The following RNF138 variants were observed in gnomAD, a reference collection of about 807,000 sequenced individuals.
RNF138 encodes ring finger protein 138.
Under a neutral mutation model 31.0 loss-of-function variants are expected in RNF138, and 12 were observed. The ratio of observed to expected loss-of-function variants is 0.39; its 90% CI spans 0.25 to 0.63. RNF138 has a LOEUF of 0.63. Among genes scored for constraint, RNF138 ranks in the 20% least tolerant of loss-of-function variants. The pLI is 0.52. For synonymous variants in RNF138, 105 were observed against 99.5 expected, an observed-to-expected ratio of 1.06 and a Z score of -0.33; for missense variants, 192 against 300.1, an observed-to-expected ratio of 0.64 and a Z score of 2.66.
At chr18:32,099,552 AC>A (rs2039880939) in intron 2 of RNF138, among the ~76,000 whole-genome samples, 1 of 152,058 alleles carries the variant, frequency 6.6e-6, no homozygotes, top group Non-Finnish European at 1.5e-5. Flanking sequence ...ACAGGCATGC[AC>A]CACTATACCC....
intron 4 of RNF138, among the ~76,000 whole-genome samples, chr18:32,121,877 C>CT (rs544848797): frequency 2.1e-3 from 326 of 151,882 alleles, no homozygotes; most frequent in Non-Finnish European, 3.6e-3. Flanking sequence ...AGGTTATGTA[C>CT]TTTTTTTTCA....
intron 4 of RNF138, among the ~76,000 whole-genome samples, chr18:32,121,714 GTTTTTC>G (rs985125227): frequency 1.6e-4 from 24 of 152,164 alleles, no homozygotes; most frequent in African/African-American, 2.9e-4. Context: ...GATATGAGTT[GTTTTTC>G]TTTAATTGGT....
intron 4 of RNF138, among the ~76,000 whole-genome samples, chr18:32,115,744 A>G (rs1274753135): frequency 1.3e-5 from 2 of 152,078 alleles, no homozygotes; most frequent in African/African-American, 2.4e-5. Flanking sequence ...GACTCCGTCT[A>G]AAACACACAC....
chr18:32,112,155 A>T lies in RNF138; in HGVS notation c.276+236A>T, dbSNP rs529170110. Among the ~76,000 whole-genome samples the T allele has an allele frequency of 7.9e-5, 12 of 152,202 alleles. No homozygotes were observed. The South Asian group carries it at 1.9e-3, about 24-fold the overall frequency. On this transcript the variant is annotated intron_variant, in intron 3 of 7. Transcript: ENST00000261593. Reference sequence around the variant, plus strand: ...TGAATTTCATAATACTTAGCGTGGCATTTTTCTAAAAGTAATTTCTCATTG... The same window carrying T: ...TGAATTTCATAATACTTAGCGTGGCTTTTTTCTAAAAGTAATTTCTCATTG...
At chr18:32,122,426 A>G (rs189332768) in intron 4 of RNF138, 2 of 152,340 alleles carry the variant, frequency 1.3e-5, no homozygotes, top group East Asian at 3.9e-4. Flanking sequence ...AAACTCTGGC[A>G]TTGAGATATA....
chr18:32,093,402 G>A (rs1436791270), intron 2 of RNF138, among the ~76,000 whole-genome samples: 2 of 152,094 alleles, frequency 1.3e-5, no homozygotes, highest in South Asian at 4.1e-4. Context: ...CCGTCCCCTC[G>A]GTCCAAGAGC....
chr18:32,100,763 C>T (rs1288711812), intron 2 of RNF138, among the ~76,000 whole-genome samples: 1 of 151,942 alleles, frequency 6.6e-6, no homozygotes, highest in Non-Finnish European at 1.5e-5. Context: ...GGCGTGAGCC[C>T]CCGCGCCCGG....
chr18:32,125,487 CTG>C (rs1482294360), intron 6 of RNF138, among the ~76,000 whole-genome samples: 1 of 152,084 alleles, frequency 6.6e-6, no homozygotes, highest in East Asian at 1.9e-4. Context: ...ACAGGAGAAA[CTG>C]AGCTGGGAGA....
At chr18:32,092,662 C>G (rs1024279587) in intron 1 of RNF138, 38 bp from the exon 2 acceptor site, 3 of 696,408 alleles carry the variant, frequency 4.3e-6, no homozygotes, top group Non-Finnish European at 7.7e-6. Flanking sequence ...CGCGCTGTAT[C>G]CTGATGCGAT....
chr18:32,105,533 A>G (rs553774776), intron 2 of RNF138, among the ~76,000 whole-genome samples: 1 of 152,230 alleles, frequency 6.6e-6, no homozygotes, highest in African/African-American at 2.4e-5. Flanking sequence ...TTTGATCAGT[A>G]AGATAGTATT....
intron 2 of RNF138, 67 bp downstream of exon 2, chr18:32,092,953 C>T (rs1208334709): frequency 9.1e-6 from 8 of 882,726 alleles, no homozygotes; most frequent in East Asian, 3.3e-5. Context: ...CGGCCCGGGA[C>T]CCCGGGCTGC....
intron 7 of RNF138, among the ~76,000 whole-genome samples, chr18:32,128,761 C>T (rs1210615139): frequency 6.6e-6 from 1 of 152,140 alleles, no homozygotes; most frequent in African/African-American, 2.4e-5. Context: ...TGTCTTCTGC[C>T]TCAGCCTCCT....
intron 2 of RNF138, among the ~76,000 whole-genome samples, chr18:32,104,083 G>T (rs1259328252): frequency 7.0e-6 from 1 of 142,952 alleles, no homozygotes; most frequent in Non-Finnish European, 1.5e-5. Flanking sequence ...GCCTGATCTT[G>T]GCTCACTGCA....
At chr18:32,115,102 TA>T (rs2040193696) in intron 4 of RNF138, among the ~76,000 whole-genome samples, 1 of 152,212 alleles carries the variant, frequency 6.6e-6, no homozygotes, top group Non-Finnish European at 1.5e-5. Context: ...TCTGCTTTTT[TA>T]CCCAATAGAT....
chr18:32,098,798 A>C (rs1464508875), intron 2 of RNF138, among the ~76,000 whole-genome samples: 1 of 150,102 alleles, frequency 6.7e-6, no homozygotes, highest in Non-Finnish European at 1.5e-5. Context: ...GCTTGCAGTG[A>C]GCTGAGATGG....
intron 4 of RNF138, among the ~76,000 whole-genome samples, chr18:32,120,037 A>ATATATATATATATAG (rs2040278630): frequency 6.6e-6 from 1 of 152,152 alleles, no homozygotes; most frequent in Admixed American, 6.5e-5. Context: ...TGCTTCTTTT[A>ATATATATATATATAG]AACCTAATGT....
chr18:32,104,551 C>G (rs1271941400), intron 2 of RNF138, among the ~76,000 whole-genome samples: 1 of 151,980 alleles, frequency 6.6e-6, no homozygotes, highest in Non-Finnish European at 1.5e-5. Flanking sequence ...CGATTAAAAA[C>G]AAGAGAAACA....
Position 32,129,276 on chromosome 18 carries a change from T to G in RNF138, c.*89T>G. ...AAGTCACCGTTACAGTAACTTGATG[T>G]GTATATTAATAAAAGTAATTCAGTC... On this transcript the variant is annotated 3_prime_UTR_variant, in exon 8 of 8. Coordinates refer to ENST00000261593, the MANE Select transcript of RNF138 (RefSeq NM_016271.5). 1 of 788,908 alleles carries G rather than the reference T, an allele frequency of 1.3e-6. No individual in the cohort carries two copies. 48.9% of individuals were successfully genotyped at this position (788,908 alleles called of 1,614,324 possible).
rs2040468090 is a variant in RNF138 at position 32,131,039 on chromosome 18, ATATG to A, written c.*1854_*1857del. 1 of 151,348 alleles carries A rather than the reference ATATG, an allele frequency of 6.6e-6. No individual in the cohort carries two copies. The highest frequency in any genetic ancestry group is 1.5e-5 in the Non-Finnish European group (1 of 67,658). The allele number at this position is 151,348 out of a possible 1,614,324, so 9.4% of individuals were successfully genotyped here. A position where few individuals can be genotyped will look rare whatever the true frequency, so the allele number is the denominator to read the frequency against. ...GGATTTGCAAAGTTTAATACATCCA[ATATG>A]TCAAGTTAAACCATTCTGGGATTTG... On this transcript the variant is annotated 3_prime_UTR_variant, in exon 8 of 8. Transcript: ENST00000261593.
Sources: gnomAD v4.1 joint callset for allele counts (sites outside exome capture counted in the v4.1 genomes callset) on GRCh38, gnomAD v4.1.1 for gene constraint, MANE v1.5 for transcripts, NCBI Gene and HGNC (gene_info 2026-07-23, HGNC 2026-07-21) for gene names.